GTSE1: variants seen among roughly 807,000 people sequenced by gnomAD.
GTSE1 encodes G2 and S-phase expressed 1.
In GTSE1, 52 loss-of-function variants were observed where a neutral mutation model predicts 60.5. The ratio of observed to expected loss-of-function variants is 0.86; its 90% CI spans 0.69 to 1.08. GTSE1 has a LOEUF of 1.08. GTSE1 is among the 50% of genes least tolerant of loss of function. The pLI is 0.00. For missense variants in GTSE1, 937 were observed against 961.8 expected (o/e 0.97, Z 0.34); for synonymous variants, 368 against 386.5 (o/e 0.95, Z 0.56).
At position 46,317,682 on chromosome 22, in the gene GTSE1, C is replaced by T. The variant is rs2077789193; in HGVS notation, c.1432+1270C>T. 1.3e-5 allele frequency among the ~76,000 whole-genome samples: 2 copies of T among 152,204 alleles called. No homozygotes were observed. The highest frequency in any genetic ancestry group is 2.9e-5 in the Non-Finnish European group (2 of 68,040). On this transcript the variant is annotated intron_variant, in intron 7 of 11. Coordinates refer to ENST00000454366, the MANE Select transcript of GTSE1 (RefSeq NM_016426.7). This position sits in a 1 kb window ranked among gnomAD's most constrained non-coding sequence, Gnocchi z 5.6. Reference sequence around the variant, plus strand: ...GCAGTTAAGGTGCAGATCATCCTTCCGAGGCTTTTTATGCTTTGAAGTGGT... The same window carrying T: ...GCAGTTAAGGTGCAGATCATCCTTCTGAGGCTTTTTATGCTTTGAAGTGGT...
At position 46,325,185 on chromosome 22, in the gene GTSE1, T is replaced by G. The variant is rs570251113; in HGVS notation, c.1506-1251T>G. 4.6e-5 allele frequency among the ~76,000 whole-genome samples: 7 copies of G among 152,182 alleles called. No individual in the cohort carries two copies. In the East Asian group the frequency reaches 1.4e-3, roughly 29 times the overall value. On this transcript the variant is annotated intron_variant, in intron 8 of 11. Coordinates refer to ENST00000454366, the MANE Select transcript of GTSE1 (RefSeq NM_016426.7). ...CTGGGTTAGGGGTGAACAAGTTTCT[T>G]TTATGCTGATTTATTTATTTATTTA...
chr22:46,319,817 C>G lies in GTSE1; in HGVS notation c.1433-3373C>G, dbSNP rs139986601. On this transcript the variant is annotated intron_variant, in intron 7 of 11. Coordinates refer to ENST00000454366, the MANE Select transcript of GTSE1 (RefSeq NM_016426.7). This position sits in a 1 kb window ranked among gnomAD's most constrained non-coding sequence, Gnocchi z 5.0. ...CCTGGTCAACATGGTGAAACCCTGTCTCTACTAAAAATAGAAAAATTAGCC... is the reference window on the plus strand; with the variant it reads ...CCTGGTCAACATGGTGAAACCCTGTGTCTACTAAAAATAGAAAAATTAGCC... Among the ~76,000 whole-genome samples the G allele has an allele frequency of 6.6e-6, 1 of 152,052 alleles. No individual in the cohort carries two copies. The highest frequency in any genetic ancestry group is 2.4e-5 in the African/African-American group (1 of 41,468).
rs1033643338 is a variant in GTSE1 at position 46,324,468 on chromosome 22, C to T, written c.1505+1206C>T. Among the ~76,000 whole-genome samples the T allele has an allele frequency of 3.3e-5, 5 of 152,040 alleles. No homozygotes were observed. The highest frequency in any genetic ancestry group is 1.3e-4 in the Admixed American group (2 of 15,276). ...TGGTAAGCTCCGCCTCCTGGATTCA[C>T]GCCATTCTCCTGCCTCAGCCTCCCA... On this transcript the variant is annotated intron_variant, in intron 8 of 11. Coordinates refer to ENST00000454366, the MANE Select transcript of GTSE1 (RefSeq NM_016426.7). This position sits in a 1 kb window ranked among gnomAD's most constrained non-coding sequence, Gnocchi z 5.2.
At chr22:46,311,505 A>T (rs770019113) in intron 4 of GTSE1, among the ~76,000 whole-genome samples, 9 of 152,246 alleles carry the variant, frequency 5.9e-5, no homozygotes, top group Non-Finnish European at 1.2e-4. Flanking sequence ...TGTTATGAGA[A>T]GTATCTCAGT....
chr22:46,317,018 G>T lies in GTSE1; in HGVS notation c.1432+606G>T, dbSNP rs2077785256. On this transcript the variant is annotated intron_variant, in intron 7 of 11. Transcript: ENST00000454366. The surrounding 1 kb of genome is among the most constrained non-coding windows in gnomAD (Gnocchi z 5.6). ...GCTCTGTCACCCAGGGTGGAATGCA[G>T]TGGCGCGATCTCAGCGCACTGTAAC... Among the ~76,000 whole-genome samples the T allele has an allele frequency of 6.6e-6, 1 of 151,768 alleles. No homozygotes were observed. The highest frequency in any genetic ancestry group is 2.4e-5 in the African/African-American group (1 of 41,262).
In GTSE1 at chr22:46,318,767, C is replaced by T. The variant is rs11704878; in HGVS notation, c.1432+2355C>T. ...GGGGGCCGGAGGGTGGGAGTGCAGCCGCTGCGGTCGGGATTCTGCGTAGAC... is the reference window on the plus strand; with the variant it reads ...GGGGGCCGGAGGGTGGGAGTGCAGCTGCTGCGGTCGGGATTCTGCGTAGAC... On this transcript the variant is annotated intron_variant, in intron 7 of 11. Transcript: ENST00000454366. This position sits in a 1 kb window ranked among gnomAD's most constrained non-coding sequence, Gnocchi z 4.8. Among the ~76,000 whole-genome samples the T allele has an allele frequency of 0.072, 10,927 of 152,140 alleles. 554 individuals are homozygous for T. The highest frequency in any genetic ancestry group is 0.11 in the Non-Finnish European group (7,346 of 67,972).
Position 46,330,131 on chromosome 22 carries a change from G to A in GTSE1, c.*1G>A, listed in dbSNP as rs140614196. 4.2e-5 allele frequency: 66 copies of A among 1,580,784 alleles called. No individual in the cohort carries two copies. Among genetic ancestry groups the A allele is most frequent in the Middle Eastern group, 3.3e-4 (2 of 6,022 alleles). On this transcript the variant is annotated 3_prime_UTR_variant, in exon 12 of 12. Coordinates refer to ENST00000454366, the MANE Select transcript of GTSE1 (RefSeq NM_016426.7). The surrounding 1 kb of genome is among the most constrained non-coding windows in gnomAD (Gnocchi z 6.0). ...GGATTCCCCACTCCTCAAGTTCTAA[G>A]CCGAACCAAATCCTTTGCCTTGAAA...
Position 46,329,400 on chromosome 22 carries a change from C to T in GTSE1, c.1969C>T (p.Pro657Ser). The T allele has an allele frequency of 1.9e-6, 3 of 1,614,190 alleles. No individual in the cohort carries two copies. The highest frequency in any genetic ancestry group is 2.5e-6 in the Non-Finnish European group (3 of 1,180,020). The change falls in exon 11 of 12, where the codon CCA (proline) becomes TCA (serine). Residue 657 changes from proline to serine, a missense_variant. Physicochemically the swap from Pro to Ser is moderately conservative, Grantham distance 74. Coordinates refer to ENST00000454366, the MANE Select transcript of GTSE1 (RefSeq NM_016426.7). The surrounding 1 kb of genome is among the most constrained non-coding windows in gnomAD (Gnocchi z 6.4). ...CAAACTGGAACCACTCGCGGTCACT[C>T]CAGATGCTGCAAGCCAGCCCCTCAT... ...DIKLEPLAVT[P>S]DAASQPLIDL...
At chr22:46,312,099 T>C in intron 4 of GTSE1, 42 bp from the exon 5 acceptor site, 1 of 1,536,448 alleles carries the variant, frequency 6.5e-7, no homozygotes, top group African/African-American at 1.4e-5. Flanking sequence ...TGTACATTGT[T>C]AAGCACTAGA....
chr22:46,298,772 CT>C (rs1281131569), intron 2 of GTSE1, among the ~76,000 whole-genome samples: 1 of 152,224 alleles, frequency 6.6e-6, no homozygotes, highest in Non-Finnish European at 1.5e-5. Flanking sequence ...ACTGCACCCC[CT>C]GCTCCTTCTT....
chr22:46,316,263 G>A lies in GTSE1; in HGVS notation c.1283G>A (p.Gly428Asp), dbSNP rs958436365. Residue 428 changes from glycine (G) to aspartate (D), a missense_variant, in exon 7 of 12, where the codon GGC becomes GAC. Transcript: ENST00000454366. The surrounding 1 kb of genome is among the most constrained non-coding windows in gnomAD (Gnocchi z 5.0). ...PTQPQTPEGG[G>D]QWLNSSCAWS... The stretch of plus-strand genomic sequence containing the variant: ...CAACCCCAGACTCCGGAAGGTGGCG[G>A]CCAGTGGCTGAACTCCAGTTGCGCT... 5.0e-6 allele frequency: 8 copies of A among 1,613,780 alleles called. No homozygotes were observed. Among genetic ancestry groups the A allele is most frequent in the Admixed American group, 1.7e-5 (1 of 60,008 alleles).
chr22:46,308,981 C>G (rs750098566), intron 4 of GTSE1, 38 bp downstream of exon 4: 2 of 1,569,162 alleles, frequency 1.3e-6, no homozygotes, highest in South Asian at 2.4e-5. Context: ...GGGGAGCCCC[C>G]ACTCCTTGCC....
In GTSE1 at chr22:46,317,963, G is replaced by C. The variant is rs1376429153; in HGVS notation, c.1432+1551G>C. On this transcript the variant is annotated intron_variant, in intron 7 of 11. Transcript: ENST00000454366. This position sits in a 1 kb window ranked among gnomAD's most constrained non-coding sequence, Gnocchi z 5.6. The stretch of plus-strand genomic sequence containing the variant: ...GACTCCTGCCCTGCACCTGTGCACT[G>C]CCTGGTGCTCAGCCAGAGACTCGAG... 1.3e-4 allele frequency among the ~76,000 whole-genome samples: 20 copies of C among 152,224 alleles called. No individual in the cohort carries two copies. The highest frequency in any genetic ancestry group is 1.3e-3 in the Admixed American group (20 of 15,284).
At position 46,326,513 on chromosome 22, in the gene GTSE1, C is replaced by T. The variant is rs1370409144; in HGVS notation, c.1583C>T (p.Ser528Leu). 6.2e-7 allele frequency: 1 copy of T among 1,613,958 alleles called. No individual in the cohort carries two copies. The highest frequency in any genetic ancestry group is 1.3e-5 in the African/African-American group (1 of 74,960). ...AGCCTGCTGAGCGCATGGCGTGTGT[C>T]AGCCTTGCCCACACCCGCCAGCCGG... ...PQSLLSAWRVSALPTPASRRC... is the reference protein window; with the variant it reads ...PQSLLSAWRVLALPTPASRRC... The change falls in exon 9 of 12, where the codon TCA (serine) becomes TTA (leucine). Residue 528 changes from serine (S) to leucine (L), a missense_variant. Transcript: ENST00000454366.
chr22:46,315,443 C>T, intron 6 of GTSE1, among the ~76,000 whole-genome samples: 1 of 152,138 alleles, frequency 6.6e-6, no homozygotes, highest in Non-Finnish European at 1.5e-5. Context: ...GATCTCTTGC[C>T]TTGGCCTCCC....
chr22:46,318,086 G>A lies in GTSE1; in HGVS notation c.1432+1674G>A, dbSNP rs2077791483. On this transcript the variant is annotated intron_variant, in intron 7 of 11. Coordinates refer to ENST00000454366, the MANE Select transcript of GTSE1 (RefSeq NM_016426.7). The surrounding 1 kb of genome is among the most constrained non-coding windows in gnomAD (Gnocchi z 4.8). Reference sequence around the variant, plus strand: ...AGCCACCTCAGCCTCCTGAGCTCCAGCCACTGCCTTCTCCAGTCAGTGAGG... The same window carrying A: ...AGCCACCTCAGCCTCCTGAGCTCCAACCACTGCCTTCTCCAGTCAGTGAGG... Among the ~76,000 whole-genome samples, 1 of 152,218 alleles carries A rather than the reference G, an allele frequency of 6.6e-6. No homozygotes were observed. The highest frequency in any genetic ancestry group is 6.5e-5 in the Admixed American group (1 of 15,284).
In GTSE1 at chr22:46,316,420, A is replaced by G; in HGVS notation, c.1432+8A>G. The G allele has an allele frequency of 2.0e-6, 3 of 1,466,310 alleles. No individual in the cohort carries two copies. Among genetic ancestry groups the G allele is most frequent in the Non-Finnish European group, 2.8e-6 (3 of 1,069,564 alleles). 90.8% of individuals were successfully genotyped at this position (1,466,310 alleles called of 1,614,324 possible). On this transcript the variant is annotated splice_region_variant and intron_variant, in intron 7 of 11. Coordinates refer to ENST00000454366, the MANE Select transcript of GTSE1 (RefSeq NM_016426.7). This position sits in a 1 kb window ranked among gnomAD's most constrained non-coding sequence, Gnocchi z 5.0. ...TTCCTAAGTTTTCTATTGGTGAGTA[A>G]TAGATACATTTTAATGTGTCTTTAA...
rs1321464974 is a variant in GTSE1 at position 46,313,186 on chromosome 22, A to AT, written c.928-704_928-703insT. 1.1e-3 allele frequency among the ~76,000 whole-genome samples: 171 copies of AT among 149,796 alleles called. 1 individual carries two copies. The highest frequency in any genetic ancestry group is 2.8e-3 in the Admixed American group (42 of 15,108). ...CTGTCTAAAAAAAAAAAAAAAAAAA[A>AT]GGAAAAGAAAGAAAATTGCGGTTCC... On this transcript the variant is annotated intron_variant, in intron 5 of 11. Coordinates refer to ENST00000454366, the MANE Select transcript of GTSE1 (RefSeq NM_016426.7). The surrounding 1 kb of genome is among the most constrained non-coding windows in gnomAD (Gnocchi z 4.4).
At chr22:46,298,266 C>G (rs1484656195) in intron 2 of GTSE1, among the ~76,000 whole-genome samples, 1 of 151,522 alleles carries the variant, frequency 6.6e-6, no homozygotes, top group Non-Finnish European at 1.5e-5. Flanking sequence ...CCCAGCCTCA[C>G]AAAGCATTTT....
Sources: allele counts gnomAD v4.1 joint callset (sites outside exome capture counted in the v4.1 genomes callset), GRCh38; gene constraint gnomAD v4.1.1; non-coding constraint Gnocchi (gnomAD v3.1); transcripts MANE v1.5; gene names NCBI Gene and HGNC (gene_info 2026-07-23, HGNC 2026-07-21).